IGSF11: variants seen among roughly 807,000 people sequenced by gnomAD.
IGSF11 encodes the protein immunoglobulin superfamily member 11.
IGSF11 carries 22 observed loss-of-function variants against 41.0 expected under a neutral mutation model. That is an observed-to-expected ratio of 0.54 (90% confidence interval 0.38 to 0.77). The LOEUF is 0.77. Among genes scored for constraint, IGSF11 ranks in the 30% least tolerant of loss-of-function variants. The probability of loss-of-function intolerance (pLI) is 0.00; values close to 1 mark genes in which losing one functional copy is unlikely to be tolerated. For synonymous variants in IGSF11, 219 were observed against 201.3 expected, an observed-to-expected ratio of 1.09 and a Z score of -0.74; for missense variants, 444 against 530.8, an observed-to-expected ratio of 0.84 and a Z score of 1.61.
At chr3:118,906,975 T>C (rs1486129485) in intron 4 of IGSF11, among the ~76,000 whole-genome samples, 1 of 152,218 alleles carries the variant, frequency 6.6e-6, no homozygotes, top group Non-Finnish European at 1.5e-5. Flanking sequence ...GCTCTAGGCT[T>C]CACTGCCCTC....
intron 1 of IGSF11, among the ~76,000 whole-genome samples, chr3:119,074,628 G>C (rs1035223578): frequency 2.0e-5 from 3 of 151,274 alleles, no homozygotes; most frequent in African/African-American, 7.3e-5. Flanking sequence ...GGCCGAGGCA[G>C]GTGGATCACA....
At chr3:118,928,020 G>T (rs1006015364) in intron 3 of IGSF11, among the ~76,000 whole-genome samples, 1 of 152,198 alleles carries the variant, frequency 6.6e-6, no homozygotes, top group East Asian at 1.9e-4. Context: ...TTCAAACAAG[G>T]ATACTTGGGG....
intron 1 of IGSF11, among the ~76,000 whole-genome samples, chr3:119,101,669 T>G (rs1211653526): frequency 1.3e-5 from 2 of 151,572 alleles, no homozygotes; most frequent in Admixed American, 6.5e-5. Context: ...ACTTCCTTGA[T>G]TCACAGTTCT....
intron 1 of IGSF11, among the ~76,000 whole-genome samples, chr3:119,048,602 A>T (rs896735126): frequency 6.6e-6 from 1 of 152,076 alleles, no homozygotes; most frequent in African/African-American, 2.4e-5. Context: ...TTCTGAAACT[A>T]TTCCAATCAA....
chr3:118,986,310 T>C lies in IGSF11; in HGVS notation c.52+48221A>G, dbSNP rs184268207. On this transcript the variant is annotated intron_variant, in intron 1 of 6. Transcript: ENST00000393775. ...CCATTTAAATGTCTATTCACTCATC[T>C]GTTTTCCTCATTAGACTGTAAATTT... 1.5e-4 allele frequency among the ~76,000 whole-genome samples: 23 copies of C among 152,322 alleles called. No homozygotes were observed. The East Asian group carries it at 2.1e-3, about 14-fold the overall frequency.
chr3:118,908,722 G>C (rs902642069), intron 4 of IGSF11, among the ~76,000 whole-genome samples: 1 of 152,162 alleles, frequency 6.6e-6, no homozygotes, highest in Non-Finnish European at 1.5e-5. Context: ...CTACGTATCT[G>C]GCACAGAAGG....
At chr3:119,047,421 G>T (rs1489853027) in intron 1 of IGSF11, among the ~76,000 whole-genome samples, 1 of 152,302 alleles carries the variant, frequency 6.6e-6, no homozygotes, top group South Asian at 2.1e-4. Flanking sequence ...TAATGGTAAA[G>T]GGATCAATTC....
intron 1 of IGSF11, among the ~76,000 whole-genome samples, chr3:119,139,618 C>T (rs1321927624): frequency 6.6e-6 from 1 of 152,160 alleles, no homozygotes; most frequent in African/African-American, 2.4e-5. Context: ...TGAGACCTCC[C>T]CAGTCACAAC....
intron 4 of IGSF11, among the ~76,000 whole-genome samples, chr3:118,925,508 CTCTTCAA>C (rs1482517843): frequency 2.6e-5 from 4 of 152,074 alleles, no homozygotes; most frequent in Non-Finnish European, 5.9e-5. Context: ...TTGACAAAAT[CTCTTCAA>C]TTTTTTAAGG....
At chr3:118,921,238 AG>A (rs1941752298) in intron 4 of IGSF11, among the ~76,000 whole-genome samples, 1 of 152,166 alleles carries the variant, frequency 6.6e-6, no homozygotes, top group South Asian at 2.1e-4. Context: ...AGCTCTACAA[AG>A]GGAAGAATAT....
At chr3:118,966,142 T>G (rs958376231) in intron 1 of IGSF11, among the ~76,000 whole-genome samples, 1 of 152,178 alleles carries the variant, frequency 6.6e-6, no homozygotes, top group African/African-American at 2.4e-5. Context: ...TAGGATTGTC[T>G]TCCCCAGCAT....
At chr3:118,964,697 T>C (rs1945555102) in intron 1 of IGSF11, among the ~76,000 whole-genome samples, 1 of 152,150 alleles carries the variant, frequency 6.6e-6, no homozygotes, top group African/African-American at 2.4e-5. Context: ...AATAAAAATC[T>C]TACCCAATTT....
intron 1 of IGSF11, among the ~76,000 whole-genome samples, chr3:119,039,857 G>GCAA (rs1194052786): frequency 3.3e-5 from 5 of 152,258 alleles, no homozygotes; most frequent in Non-Finnish European, 4.4e-5. Context: ...GCAAAATTAT[G>GCAA]ACGGAGACAG....
chr3:119,059,044 C>T (rs1336065856), intron 1 of IGSF11, among the ~76,000 whole-genome samples: 1 of 151,674 alleles, frequency 6.6e-6, no homozygotes, highest in Non-Finnish European at 1.5e-5. Flanking sequence ...TTAGTGGGTG[C>T]AGCGCACCAA....
intron 1 of IGSF11, among the ~76,000 whole-genome samples, chr3:119,111,106 T>C (rs979546045): frequency 1.3e-5 from 2 of 152,116 alleles, no homozygotes; most frequent in Non-Finnish European, 2.9e-5. Context: ...TTTATGGCGT[T>C]CTCTGTATTT....
chr3:118,930,751 C>T (rs1006642364), intron 1 of IGSF11, among the ~76,000 whole-genome samples: 1 of 152,090 alleles, frequency 6.6e-6, no homozygotes, highest in Non-Finnish European at 1.5e-5. Flanking sequence ...TAAATAAATG[C>T]AGAGATATGT....
At chr3:118,966,380 A>C (rs1945675459) in intron 1 of IGSF11, among the ~76,000 whole-genome samples, 1 of 152,166 alleles carries the variant, frequency 6.6e-6, no homozygotes, top group African/African-American at 2.4e-5. Context: ...TGAGGTGTTA[A>C]AAGGCCCCTG....
intron 1 of IGSF11, among the ~76,000 whole-genome samples, chr3:119,133,767 CA>C (rs1235807640): frequency 1.3e-5 from 2 of 152,096 alleles, no homozygotes; most frequent in Non-Finnish European, 2.9e-5. Context: ...GACTCAACAA[CA>C]AAAAGAGAAT....
chr3:119,083,447 C>A (rs537962053), intron 1 of IGSF11, among the ~76,000 whole-genome samples: 80 of 151,884 alleles, frequency 5.3e-4, no homozygotes, highest in African/African-American at 1.8e-3. Context: ...CTTTCCTATC[C>A]CTCCTGGGAA....
Sources: allele counts gnomAD v4.1 joint callset (sites outside exome capture counted in the v4.1 genomes callset), GRCh38; gene constraint gnomAD v4.1.1; transcripts MANE v1.5; gene names NCBI Gene and HGNC (gene_info 2026-07-23, HGNC 2026-07-21).